The following PDLIM5 variants were observed in gnomAD, a reference collection of about 807,000 sequenced individuals.
PDLIM5 encodes PDZ and LIM domain protein 5.
In PDLIM5, 34 loss-of-function variants were observed where a neutral mutation model predicts 64.2. The observed-to-expected ratio is 0.53, with a 90% CI of 0.40 to 0.71. The LOEUF is 0.71. Among genes scored for constraint, PDLIM5 ranks in the 30% least tolerant of loss-of-function variants. PDLIM5 has a pLI of 0.00. For missense variants in PDLIM5, 683 were observed against 733.6 expected (o/e 0.93, Z 0.80); for synonymous variants, 253 against 269.1 (o/e 0.94, Z 0.59).
intron 2 of PDLIM5, chr4:94,457,248 T>C (rs1723459557): frequency 1.2e-5 from 8 of 667,464 alleles, no homozygotes; most frequent in African/African-American, 3.9e-5. Context: ...CTTTAATTTA[T>C]CATCAATTTC....
Position 94,575,745 on chromosome 4 carries a change from A to G in PDLIM5, c.421A>G (p.Thr141Ala), listed in dbSNP as rs771207749. 1.9e-6 allele frequency: 3 copies of G among 1,614,126 alleles called. No homozygotes were observed. Among genetic ancestry groups the G allele is most frequent in the Non-Finnish European group, 2.5e-6 (3 of 1,180,002 alleles). Residue 141 changes from threonine to alanine, a missense_variant, in exon 5 of 13, where the codon ACA becomes GCA. Thr to Ala is a moderately conservative substitution (Grantham distance 58). Coordinates refer to ENST00000317968, the MANE Select transcript of PDLIM5 (RefSeq NM_006457.5). ...TGGTTCTGTGTCTTCACCAAAAGTC[A>G]CATCCATCCCATCACCATCGTCTGC... The part of the protein sequence containing the change: ...PFGSVSSPKV[T>A]SIPSPSSAFT...
At position 94,594,434 on chromosome 4, in the gene PDLIM5, G is replaced by A. The variant is rs147232767; in HGVS notation, c.920+7990G>A. On this transcript the variant is annotated intron_variant, in intron 7 of 12. Coordinates refer to ENST00000317968, the MANE Select transcript of PDLIM5 (RefSeq NM_006457.5). ...AAAATTTTATCATTAATAAGGAAAT[G>A]TTTAAATATAAGAATCTAATCTACA... is the stretch of plus-strand genomic sequence containing the variant. Among the ~76,000 whole-genome samples, 779 of 152,102 alleles carry A rather than the reference G, an allele frequency of 5.1e-3. 2 individuals carry two copies. The highest frequency in any genetic ancestry group is 5.9e-3 in the Non-Finnish European group (400 of 67,964).
chr4:94,456,161 G>GCA, intron 2 of PDLIM5: 1 of 469,894 alleles, frequency 2.1e-6, no homozygotes, highest in Non-Finnish European at 3.6e-6. Flanking sequence ...AAATAAATAT[G>GCA]AATTTCCATC....
intron 2 of PDLIM5, among the ~76,000 whole-genome samples, chr4:94,465,940 G>GTGTGTGTGTC (rs1724322280): frequency 6.6e-6 from 1 of 150,910 alleles, no homozygotes; most frequent in Non-Finnish European, 1.5e-5. Flanking sequence ...GTGTGTATGT[G>GTGTGTGTGTC]TGTGTGTGTC....
At position 94,667,051 on chromosome 4, in the gene PDLIM5, G is replaced by A. The variant is rs1434776353; in HGVS notation, c.*2984G>A. On this transcript the variant is annotated 3_prime_UTR_variant, in exon 13 of 13. Coordinates refer to ENST00000317968, the MANE Select transcript of PDLIM5 (RefSeq NM_006457.5). ...TGATTATAAATTTTCTATATTAGTAGCATTTTTTAATTATTACTTCTTCAC... is the reference window on the plus strand; with the variant it reads ...TGATTATAAATTTTCTATATTAGTAACATTTTTTAATTATTACTTCTTCAC... The A allele has an allele frequency of 1.3e-5, 2 of 151,946 alleles. No homozygotes were observed. The highest frequency in any genetic ancestry group is 2.9e-5 in the Non-Finnish European group (2 of 67,994). The allele number at this position is 151,946 out of a possible 1,614,324, so 9.4% of individuals were successfully genotyped here. A position where few individuals can be genotyped will look rare whatever the true frequency, so the allele number is the denominator to read the frequency against.
At chr4:94,543,102 G>A (rs1287494338) in intron 3 of PDLIM5, among the ~76,000 whole-genome samples, 2 of 151,978 alleles carry the variant, frequency 1.3e-5, no homozygotes, top group Non-Finnish European at 2.9e-5. Flanking sequence ...AACTCTTTTT[G>A]GGTACGATAC....
chr4:94,628,418 G>T (rs570355083), intron 8 of PDLIM5, among the ~76,000 whole-genome samples: 1 of 152,070 alleles, frequency 6.6e-6, no homozygotes, highest in East Asian at 1.9e-4. Flanking sequence ...ATTAGTGGTA[G>T]TAATAGAAAT....
chr4:94,511,221 A>G (rs150704905), intron 2 of PDLIM5, among the ~76,000 whole-genome samples: 2 of 152,336 alleles, frequency 1.3e-5, no homozygotes, highest in East Asian at 1.9e-4. Flanking sequence ...GCACTTTCAT[A>G]CATAGTTTGT....
intron 2 of PDLIM5, chr4:94,456,920 G>T (rs115841731): frequency 1.1e-5 from 11 of 1,001,566 alleles, no homozygotes; most frequent in African/African-American, 1.0e-4. Context: ...TGTGCTGTGC[G>T]CTCACATGAC....
intron 5 of PDLIM5, among the ~76,000 whole-genome samples, chr4:94,576,986 T>C (rs1016415373): frequency 6.6e-6 from 1 of 152,194 alleles, no homozygotes; most frequent in Non-Finnish European, 1.5e-5. Context: ...AGTATCTTTT[T>C]TAAAAATAAT....
intron 3 of PDLIM5, among the ~76,000 whole-genome samples, chr4:94,553,690 C>T (rs555442067): frequency 9.9e-5 from 15 of 152,150 alleles, no homozygotes; most frequent in African/African-American, 3.6e-4. Flanking sequence ...TGTGGATTAC[C>T]TTAGTGTGTC....
At chr4:94,540,786 TC>T (rs931523811) in intron 3 of PDLIM5, among the ~76,000 whole-genome samples, 2 of 152,226 alleles carry the variant, frequency 1.3e-5, no homozygotes, top group African/African-American at 4.8e-5. Flanking sequence ...ATTTCCCTTT[TC>T]TTGCCTCCCA....
chr4:94,642,850 T>C (rs985669959), intron 9 of PDLIM5, among the ~76,000 whole-genome samples: 2 of 152,224 alleles, frequency 1.3e-5, no homozygotes, highest in Non-Finnish European at 2.9e-5. Context: ...GTTTCAGGCT[T>C]GATACCTTCA....
intron 5 of PDLIM5, chr4:94,584,326 T>G (rs1018200244): frequency 6.6e-6 from 1 of 152,230 alleles, no homozygotes; most frequent in Non-Finnish European, 1.5e-5. Flanking sequence ...TTCATGATGC[T>G]CAATATATCA....
At chr4:94,595,767 G>GTA (rs1425199956) in intron 7 of PDLIM5, among the ~76,000 whole-genome samples, 2 of 152,136 alleles carry the variant, frequency 1.3e-5, no homozygotes, top group Non-Finnish European at 2.9e-5. Flanking sequence ...CGTTAGTTGA[G>GTA]TATATTACCT....
chr4:94,602,492 A>G (rs1322794242), intron 7 of PDLIM5, among the ~76,000 whole-genome samples: 4 of 151,364 alleles, frequency 2.6e-5, no homozygotes, highest in Non-Finnish European at 5.9e-5. Context: ...TCGCTCTCTC[A>G]TCCAGGCTGG....
At chr4:94,584,952 C>T (rs760139738) in intron 5 of PDLIM5, 7 of 1,462,480 alleles carry the variant, frequency 4.8e-6, no homozygotes, top group Non-Finnish European at 6.6e-6. Context: ...TGTTGGAAAT[C>T]TTTCTTCTGC....
chr4:94,596,110 A>G (rs769911415), intron 7 of PDLIM5, among the ~76,000 whole-genome samples: 32 of 152,288 alleles, frequency 2.1e-4, no homozygotes, highest in Non-Finnish European at 4.0e-4. Context: ...ATAAGTAATT[A>G]CTACACTTCA....
At chr4:94,455,884 A>C in intron 2 of PDLIM5, 1 of 1,412,430 alleles carries the variant, frequency 7.1e-7, no homozygotes, top group East Asian at 2.5e-5. Context: ...CTTGAAGAGG[A>C]AATGAAGGGC....
Sources: allele counts gnomAD v4.1 joint callset (sites outside exome capture counted in the v4.1 genomes callset), GRCh38; gene constraint gnomAD v4.1.1; transcripts MANE v1.5; gene names NCBI Gene and HGNC (gene_info 2026-07-23, HGNC 2026-07-21).